The following CYP1A1 variants were observed in gnomAD, a reference collection of about 807,000 sequenced individuals.
CYP1A1 encodes cytochrome P450 family 1 subfamily A member 1.
Under a neutral mutation model 33.6 loss-of-function variants are expected in CYP1A1, and 43 were observed. The observed-to-expected ratio is 1.28, with a 90% CI of 1.00 to 1.65. The LOEUF (loss-of-function observed/expected upper bound fraction) is 1.65, where lower values mean the gene tolerates loss of function less well. Among genes scored for constraint, CYP1A1 ranks in the 40% most tolerant of loss-of-function variants. The probability of loss-of-function intolerance (pLI) is 0.00; values close to 1 mark genes in which losing one functional copy is unlikely to be tolerated. For missense variants in CYP1A1, 637 were observed against 653.7 expected (o/e 0.97, Z 0.28); for synonymous variants, 280 against 257.8 (o/e 1.09, Z -0.83).
Position 74,722,978 on chromosome 15 carries a change from T to TG in CYP1A1, c.119dup (p.Pro41ThrfsTer62), listed in dbSNP as rs1344191429. 5 of 1,614,152 alleles carry TG rather than the reference T, an allele frequency of 3.1e-6. No individual in the cohort carries two copies. Among genetic ancestry groups the TG allele is most frequent in the Non-Finnish European group, 3.4e-6 (4 of 1,180,014 alleles). ...TCAGAGGCCAGCCCCATGGCCCTGG[T>TG]GGATTCTTCAGGCCTTTGGGGACCT... On this transcript the variant is annotated frameshift_variant, in exon 2 of 7. Coordinates refer to ENST00000379727, the MANE Select transcript of CYP1A1 (RefSeq NM_001319217.2). LOFTEE classifies it high-confidence loss of function.
In CYP1A1 at chr15:74,722,570, C is replaced by T. The variant is rs768487487; in HGVS notation, c.528G>A (p.Glu176=). ...EAEVLISTLQ[E]LMAGPGHFNP... ...TAAAGTGCCCAGGCCCTGCCATCAG[C>T]TCCTGCAACGTGCTTATCAGGACCT... The change falls in exon 2 of 7, where the codon GAG becomes GAA. Residue 176 remains glutamate, a synonymous_variant. Transcript: ENST00000379727. 1.9e-6 allele frequency: 3 copies of T among 1,614,190 alleles called. No individual in the cohort carries two copies. The Admixed American group carries it at 5.0e-5, about 27-fold the overall frequency.
rs1231666672 is a variant in CYP1A1, at chr15:74,722,839, TCAG to T, written c.256_258del (p.Leu86del). ...GCCTGCCGGATGGTGTCCAGGCCGCTCAGCACCACCACGGGTGTGGAGCCAATT... is the reference window on the plus strand; with the variant it reads ...GCCTGCCGGATGGTGTCCAGGCCGCTCACCACCACGGGTGTGGAGCCAATT... On this transcript the variant is annotated inframe_deletion, in exon 2 of 7. Coordinates refer to ENST00000379727, the MANE Select transcript of CYP1A1 (RefSeq NM_001319217.2). 4 of 1,613,894 alleles carry T rather than the reference TCAG, an allele frequency of 2.5e-6. No individual in the cohort carries two copies. The African/African-American group carries it at 4.0e-5, about 16-fold the overall frequency.
In CYP1A1 at chr15:74,721,651, C is replaced by T; in HGVS notation, c.892G>A (p.Ala298Thr). The T allele has an allele frequency of 1.9e-6, 3 of 1,614,108 alleles. No homozygotes were observed. The highest frequency in any genetic ancestry group is 2.5e-6 in the Non-Finnish European group (3 of 1,180,040). Reference sequence around the variant, plus strand: ...TTCTCATCTGACAGCTGGACATTGGCGTTCTCATCCAGCTGCTTCTCCTGA... The same window carrying T: ...TTCTCATCTGACAGCTGGACATTGGTGTTCTCATCCAGCTGCTTCTCCTGA... ...HCQEKQLDENANVQLSDEKII... is the reference protein window; with the variant it reads ...HCQEKQLDENTNVQLSDEKII... The change falls in exon 3 of 7, where the codon GCC becomes ACC. Residue 298 changes from alanine to threonine, a missense_variant. Transcript: ENST00000379727.
intron 1 of CYP1A1, among the ~76,000 whole-genome samples, chr15:74,724,136 A>T (rs528429354): frequency 6.6e-6 from 1 of 152,230 alleles, no homozygotes; most frequent in South Asian, 2.1e-4. Context: ...TCAATGAATG[A>T]ACAGTTTGGA....
At position 74,721,434 on chromosome 15, in the gene CYP1A1, C is replaced by T. The variant is rs866536829; in HGVS notation, c.1022G>A (p.Arg341Lys). 3 of 1,614,192 alleles carry T rather than the reference C, an allele frequency of 1.9e-6. No homozygotes were observed. Among genetic ancestry groups the T allele is most frequent in the Non-Finnish European group, 1.7e-6 (2 of 1,180,024 alleles). Residue 341 changes from arginine (R) to lysine (K), a missense_variant, in exon 4 of 7, where the codon AGA becomes AAA. Transcript: ENST00000379727. ...MYLVMNPRVQ[R>K]KIQEELDTVI... is the part of the protein sequence containing the mutation. Reference sequence around the variant, plus strand: ...CCTACCTAGCTCCTCTTGGATCTTTCTCTGTACCCTGGGGTTCATCACCAA... The same window carrying T: ...CCTACCTAGCTCCTCTTGGATCTTTTTCTGTACCCTGGGGTTCATCACCAA...
rs148638069 is a variant in CYP1A1, at chr15:74,720,497, G to T, written c.1531C>A (p.Arg511Ser). ...TCAGGGCTCTCAAGCACCTAAGAGCGCAGCTGCATTTGGAAGTGCTCACAG... is the reference window on the plus strand; with the variant it reads ...TCAGGGCTCTCAAGCACCTAAGAGCTCAGCTGCATTTGGAAGTGCTCACAG... Reference protein sequence around the residue: ...ACCEHFQMQLRS With the variant: ...ACCEHFQMQLSS Residue 511 changes from arginine (R) to serine (S), a missense_variant, in exon 7 of 7, where the codon CGC becomes AGC. Arg to Ser is a moderately radical substitution (Grantham distance 110). Transcript: ENST00000379727. The T allele has an allele frequency of 1.3e-6, 2 of 1,566,644 alleles. No homozygotes were observed. Among genetic ancestry groups the T allele is most frequent in the African/African-American group, 1.4e-5 (1 of 73,974 alleles).
rs757872883 is a variant in CYP1A1, at chr15:74,721,297, C to G, written c.1068G>C (p.Arg356=). ...ELDTVIGRSR[R]PRLSDRSHLP... Reference sequence around the variant, plus strand: ...GATGGGATCTGTCAGAGAGCCGGGGCCGCCGTGACCTGCCAATCACTGTGT... The same window carrying G: ...GATGGGATCTGTCAGAGAGCCGGGGGCGCCGTGACCTGCCAATCACTGTGT... Residue 356 remains arginine (R), a synonymous_variant, in exon 5 of 7, where the codon CGG becomes CGC. Coordinates refer to ENST00000379727, the MANE Select transcript of CYP1A1 (RefSeq NM_001319217.2). The G allele has an allele frequency of 3.7e-6, 6 of 1,613,556 alleles. No individual in the cohort carries two copies. The highest frequency in any genetic ancestry group is 4.2e-6 in the Non-Finnish European group (5 of 1,179,758).
In CYP1A1 at chr15:74,723,086, T is replaced by G. The variant is rs764836276; in HGVS notation, c.12A>C (p.Pro4=). 67 of 1,587,180 alleles carry G rather than the reference T, an allele frequency of 4.2e-5. No individual in the cohort carries two copies. Among genetic ancestry groups the G allele is most frequent in the Non-Finnish European group, 5.4e-5 (63 of 1,164,588 alleles). The change falls in exon 2 of 7, where the codon CCA becomes CCC. Residue 4 remains proline, a synonymous_variant. Transcript: ENST00000379727. The part of the protein sequence containing the change: MLF[P]ISMSATEFLL... ...GAAACTCCGTGGCCGACATGGAGAT[T>G]GGGAAAAGCATGATCAGTGTAGGGA...
intron 5 of CYP1A1, 22 bp downstream of exon 5, chr15:74,721,177 C>T: frequency 6.2e-7 from 1 of 1,609,358 alleles, no homozygotes; most frequent in South Asian, 1.1e-5. Context: ...TAACAGACAG[C>T]AGTGGCTCCA....
intron 4 of CYP1A1, 26 bp downstream of exon 4, chr15:74,721,387 AC>A (rs749441320): frequency 2.3e-5 from 37 of 1,613,854 alleles, no homozygotes; most frequent in Non-Finnish European, 3.1e-5. Flanking sequence ...CCTGGCACTG[AC>A]CCCTTTGAAG....
intron 1 of CYP1A1, 119 bp downstream of exon 1, chr15:74,725,322 C>G (rs2063207449): frequency 6.6e-6 from 1 of 152,274 alleles, no homozygotes; most frequent in African/African-American, 2.4e-5. Context: ...ACTAAAAACA[C>G]TCTGAGCCTC....
chr15:74,720,512 A>G lies in CYP1A1; in HGVS notation c.1516T>C (p.Phe506Leu), dbSNP rs1346984407. 1 of 1,579,112 alleles carries G rather than the reference A, an allele frequency of 6.3e-7. No homozygotes were observed. The highest frequency in any genetic ancestry group is 2.2e-5 in the East Asian group (1 of 44,624). The change falls in exon 7 of 7, where the codon TTC becomes CTC. Residue 506 changes from phenylalanine (F) to leucine (L), a missense_variant. Physicochemically the swap from Phe to Leu is conservative, Grantham distance 22. Transcript: ENST00000379727. ...ACCTAAGAGCGCAGCTGCATTTGGA[A>G]GTGCTCACAGCAGGCATGCTTCATG... is the stretch of plus-strand genomic sequence containing the variant. The part of the protein sequence containing the change: ...LTMKHACCEH[F>L]QMQLRS
chr15:74,724,174 G>T (rs2063196079), intron 1 of CYP1A1, among the ~76,000 whole-genome samples: 1 of 152,096 alleles, frequency 6.6e-6, no homozygotes, highest in African/African-American at 2.4e-5. Flanking sequence ...TTACCAGAGA[G>T]CAGAGAATAA....
In CYP1A1 at chr15:74,721,573, A is replaced by G. The variant is rs1567196146; in HGVS notation, c.952+18T>C. 6.2e-7 allele frequency: 1 copy of G among 1,614,202 alleles called. No homozygotes were observed. Reference sequence around the variant, plus strand: ...CAGGGCACTTGAGCACAGGAAGGACACAATGGGGTAACCATACCAGCTCCA... The same window carrying G: ...CAGGGCACTTGAGCACAGGAAGGACGCAATGGGGTAACCATACCAGCTCCA... On this transcript the variant is annotated intron_variant, in intron 3 of 6. Transcript: ENST00000379727.
At position 74,725,458 on chromosome 15, in the gene CYP1A1, G is replaced by C. The variant is rs577435886; in HGVS notation, c.-47C>G. 1.3e-5 allele frequency: 2 copies of C among 152,190 alleles called. No homozygotes were observed. Among genetic ancestry groups the C allele is most frequent in the Admixed American group, 1.3e-4 (2 of 15,278 alleles). 9.4% of individuals were successfully genotyped at this position (152,190 alleles called of 1,614,324 possible). On this transcript the variant is annotated 5_prime_UTR_variant, in exon 1 of 7. Transcript: ENST00000379727. ...CAACTCACCTGAGGTACTGAGCTGA[G>C]CTGGGAAGGGTGGACTCTTGGAGCC...
rs2063185606 is a variant in CYP1A1 at position 74,722,913 on chromosome 15, G to A, written c.185C>T (p.Ala62Val). 6.2e-7 allele frequency: 1 copy of A among 1,614,172 alleles called. No homozygotes were observed. The highest frequency in any genetic ancestry group is 8.5e-7 in the Non-Finnish European group (1 of 1,180,028). The change falls in exon 2 of 7, where the codon GCA (alanine) becomes GTA (valine). Residue 62 changes from alanine to valine, a missense_variant. By Grantham distance (64) the Ala-to-Val change is moderately conservative. Coordinates refer to ENST00000379727, the MANE Select transcript of CYP1A1 (RefSeq NM_001319217.2). ...ATACTGCTGGCTCATCCTTGACAGT[G>A]CCAGGTGCGGGTTCTTTCCCAGGGT... ...MLTLGKNPHL[A>V]LSRMSQQYGD... is the part of the protein sequence containing the mutation.
chr15:74,720,718 C>A lies in CYP1A1; in HGVS notation c.1310G>T (p.Gly437Val). Residue 437 changes from glycine (G) to valine (V), a missense_variant, in exon 7 of 7, where the codon GGT (glycine) becomes GTT (valine). Coordinates refer to ENST00000379727, the MANE Select transcript of CYP1A1 (RefSeq NM_001319217.2). ...CTCACTTAACACCTTGTCGATAGCA[C>A]CATCAGGGGTGAGAAACCGTTCAGG... ...FLPERFLTPD[G>V]AIDKVLSEKV... is the part of the protein sequence containing the mutation. 1 of 1,614,116 alleles carries A rather than the reference C, an allele frequency of 6.2e-7. No homozygotes were observed. The highest frequency in any genetic ancestry group is 8.5e-7 in the Non-Finnish European group (1 of 1,179,998).
intron 6 of CYP1A1, 58 bp downstream of exon 6, chr15:74,720,909 T>C: frequency 4.4e-6 from 7 of 1,583,260 alleles, no homozygotes; most frequent in African/African-American, 1.3e-5. Flanking sequence ...ATTGTATTAA[T>C]CATATATAAG....
chr15:74,722,323 A>G lies in CYP1A1; in HGVS notation c.775T>C (p.Tyr259His), dbSNP rs1287768171. Reference sequence around the variant, plus strand: ...TTGACCATCTTCTGCATGAAGCTGTAGAACTTCTCATTCAGGTCCTTGAAG... The same window carrying G: ...TTGACCATCTTCTGCATGAAGCTGTGGAACTTCTCATTCAGGTCCTTGAAG... ...NAFKDLNEKF[Y>H]SFMQKMVKEH... is the part of the protein sequence containing the mutation. Residue 259 changes from tyrosine (Y) to histidine (H), a missense_variant, in exon 2 of 7, where the codon TAC (tyrosine) becomes CAC (histidine). Tyr to His is a moderately conservative substitution (Grantham distance 83). Coordinates refer to ENST00000379727, the MANE Select transcript of CYP1A1 (RefSeq NM_001319217.2). The G allele has an allele frequency of 1.2e-6, 2 of 1,614,074 alleles. No individual in the cohort carries two copies. The highest frequency in any genetic ancestry group is 1.7e-6 in the Non-Finnish European group (2 of 1,179,978).
Sources: gnomAD v4.1 joint callset for allele counts (sites outside exome capture counted in the v4.1 genomes callset) on GRCh38, gnomAD v4.1.1 for gene constraint, MANE v1.5 for transcripts, NCBI Gene and HGNC (gene_info 2026-07-23, HGNC 2026-07-21) for gene names.